Variants in C8A observed in about 807,000 individuals in gnomAD.
C8A encodes the protein complement component C8 alpha chain.
In C8A, 67 loss-of-function variants were observed where a neutral mutation model predicts 65.3. That is an observed-to-expected ratio of 1.03 (90% CI 0.84 to 1.26). The LOEUF is 1.26. C8A is among the 50% of genes most tolerant of loss of function. The pLI is 0.00. For synonymous variants in C8A, 290 were observed against 259.4 expected (o/e 1.12, Z -1.13); for missense variants, 781 against 723.9 (o/e 1.08, Z -0.90).
intron 1 of C8A, among the ~76,000 whole-genome samples, chr1:56,862,751 T>C (rs1323728529): frequency 1.3e-5 from 2 of 152,178 alleles, no homozygotes; most frequent in African/African-American, 2.4e-5. Flanking sequence ...CCGTATTAAA[T>C]GTCTTACTGA....
In C8A at chr1:56,894,144, A is replaced by G. The variant is rs76941308; in HGVS notation, c.1096+7977A>G. On this transcript the variant is annotated intron_variant, in intron 7 of 10. Coordinates refer to ENST00000361249, the MANE Select transcript of C8A (RefSeq NM_000562.3). ...CTGTTCTCTCATCTGTAAAGTGGGGATAAGAGGAAGATCCATCTCCCAGAG... is the reference window on the plus strand; with the variant it reads ...CTGTTCTCTCATCTGTAAAGTGGGGGTAAGAGGAAGATCCATCTCCCAGAG... 3.8e-3 allele frequency among the ~76,000 whole-genome samples: 575 copies of G among 152,230 alleles called. 6 individuals carry two copies. The South Asian group carries it at 0.044, about 12-fold the overall frequency.
intron 10 of C8A, among the ~76,000 whole-genome samples, chr1:56,915,928 A>G (rs988749823): frequency 2.0e-5 from 3 of 152,224 alleles, no homozygotes; most frequent in African/African-American, 7.2e-5. Context: ...CATGGTTATC[A>G]ATCTGGCCTG....
intron 4 of C8A, among the ~76,000 whole-genome samples, chr1:56,880,131 T>G (rs908398556): frequency 5.3e-5 from 8 of 152,166 alleles, no homozygotes; most frequent in African/African-American, 1.7e-4. Flanking sequence ...AGGCTTTGAT[T>G]GTCAGGTCTT....
intron 1 of C8A, among the ~76,000 whole-genome samples, chr1:56,859,245 G>A (rs991134236): frequency 6.6e-6 from 1 of 152,148 alleles, no homozygotes; most frequent in Non-Finnish European, 1.5e-5. Context: ...TACCACCACA[G>A]GGTTCTTGTG....
intron 1 of C8A, among the ~76,000 whole-genome samples, chr1:56,865,060 A>G (rs1644071473): frequency 6.6e-6 from 1 of 152,212 alleles, no homozygotes; most frequent in Non-Finnish European, 1.5e-5. Flanking sequence ...TTCTAGAAAC[A>G]GTAAGAATTG....
At chr1:56,885,836 C>G in intron 6 of C8A, 91 bp from the exon 7 acceptor site, 1 of 1,564,398 alleles carries the variant, frequency 6.4e-7, no homozygotes, top group Non-Finnish European at 8.7e-7. Flanking sequence ...AGGCATGAGC[C>G]ACTGCACCCA....
chr1:56,906,309 G>A (rs1277622020), intron 7 of C8A, among the ~76,000 whole-genome samples: 2 of 152,172 alleles, frequency 1.3e-5, no homozygotes, highest in Non-Finnish European at 2.9e-5. Context: ...ATGTGCAAAA[G>A]TTCAGGGTAA....
intron 10 of C8A, among the ~76,000 whole-genome samples, chr1:56,915,171 T>C (rs1644540788): frequency 6.6e-6 from 1 of 152,220 alleles, no homozygotes; most frequent in African/African-American, 2.4e-5. Context: ...TCTGGGTTGT[T>C]ACTTGTTCAA....
chr1:56,916,192 G>C (rs1300780331), intron 10 of C8A, among the ~76,000 whole-genome samples: 1 of 152,206 alleles, frequency 6.6e-6, no homozygotes, highest in African/African-American at 2.4e-5. Flanking sequence ...GGAGGGAGGA[G>C]ACAGAGGGCT....
intron 3 of C8A, 116 bp from the exon 4 acceptor site, chr1:56,875,946 A>G: frequency 1.4e-6 from 2 of 1,393,962 alleles, no homozygotes; most frequent in South Asian, 1.2e-5. Context: ...TGAGAACAGA[A>G]AGAGAATGGG....
At chr1:56,885,782 C>G (rs1464996949) in intron 6 of C8A, 145 bp from the exon 7 acceptor site, 13 of 1,043,274 alleles carry the variant, frequency 1.2e-5, no homozygotes, top group Middle Eastern at 3.0e-4. Context: ...GATCTCCTGA[C>G]CTTGTGATCC....
rs61482695 is a variant in C8A, at chr1:56,883,467, CTT to C, written c.655-5_655-4del. 4 of 1,371,362 alleles carry C rather than the reference CTT, an allele frequency of 2.9e-6. No homozygotes were observed. The highest frequency in any genetic ancestry group is 2.0e-6 in the Non-Finnish European group (2 of 993,402). 84.9% of individuals were successfully genotyped at this position (1,371,362 alleles called of 1,614,324 possible). On this transcript the variant is annotated splice_polypyrimidine_tract_variant and intron_variant, in intron 5 of 10. Transcript: ENST00000361249. ...TATGTGCACAAAGCTAATATCTATCCTTTTTTTTTTCAGGCCCTGGCAGATAC... is the reference window on the plus strand; with the variant it reads ...TATGTGCACAAAGCTAATATCTATCCTTTTTTTTCAGGCCCTGGCAGATAC...
At chr1:56,882,371 C>CA (rs1194843852) in intron 5 of C8A, among the ~76,000 whole-genome samples, 3 of 152,106 alleles carry the variant, frequency 2.0e-5, no homozygotes, top group Non-Finnish European at 4.4e-5. Flanking sequence ...CCTCACAACA[C>CA]AATGGGATAG....
At chr1:56,901,958 A>G (rs550936194) in intron 7 of C8A, among the ~76,000 whole-genome samples, 1 of 152,152 alleles carries the variant, frequency 6.6e-6, no homozygotes, top group African/African-American at 2.4e-5. Context: ...TTATTTCTCA[A>G]CTAGCTCTAA....
intron 2 of C8A, among the ~76,000 whole-genome samples, chr1:56,874,520 A>G (rs1644178701): frequency 6.6e-6 from 1 of 152,172 alleles, no homozygotes; most frequent in Non-Finnish European, 1.5e-5. Context: ...TCAATATGAA[A>G]ATTGCTCACA....
At chr1:56,876,279 A>C (rs1466401522) in intron 4 of C8A, 70 bp downstream of exon 4, 3 of 1,593,466 alleles carry the variant, frequency 1.9e-6, no homozygotes, top group Non-Finnish European at 2.6e-6. Context: ...ATTAGTTTTG[A>C]GGACAGAAGG....
rs777567965 is a variant in C8A, at chr1:56,881,484, C to T, written c.504C>T (p.Tyr168=). 3.8e-5 allele frequency: 61 copies of T among 1,613,512 alleles called. 1 individual carries two copies. The Middle Eastern group carries it at 4.9e-4, about 13-fold the overall frequency. ...ILTQEDAQSV[Y]DASYYGGQCE... ...CCCAGGAAGATGCTCAGAGTGTGTA[C>T]GATGCCAGTTATTATGGGGGCCAGT... The change falls in exon 5 of 11, where the codon TAC becomes TAT. Residue 168 remains tyrosine (Y), a synonymous_variant. Coordinates refer to ENST00000361249, the MANE Select transcript of C8A (RefSeq NM_000562.3).
chr1:56,854,825 G>A lies in C8A; in HGVS notation c.-77G>A. The A allele has an allele frequency of 8.1e-7, 1 of 1,239,588 alleles. No homozygotes were observed. Among genetic ancestry groups the A allele is most frequent in the Non-Finnish European group, 1.2e-6 (1 of 855,430 alleles). The allele number at this position is 1,239,588 out of a possible 1,614,324, so 76.8% of individuals were successfully genotyped here. On this transcript the variant is annotated 5_prime_UTR_variant, in exon 1 of 11. Transcript: ENST00000361249. ...TAGATCTTACAGGTCCCAGCCTGTA[G>A]ACATCTTTTACTCCAATTTCCTGAA...
At chr1:56,881,872 A>C (rs1644251376) in intron 5 of C8A, among the ~76,000 whole-genome samples, 1 of 152,178 alleles carries the variant, frequency 6.6e-6, no homozygotes, top group African/African-American at 2.4e-5. Flanking sequence ...TCAGTAAAAT[A>C]GATCTGAGGC....
Sources: gnomAD v4.1 joint callset for allele counts (sites outside exome capture counted in the v4.1 genomes callset) on GRCh38, gnomAD v4.1.1 for gene constraint, MANE v1.5 for transcripts, NCBI Gene and HGNC (gene_info 2026-07-23, HGNC 2026-07-21) for gene names.